ENAM: variants seen among roughly 807,000 people sequenced by gnomAD.
ENAM encodes amelogenesis imperfecta 2, hypocalcification (autosomal dominant).
Under a neutral mutation model 33.6 loss-of-function variants are expected in ENAM, and 21 were observed. The observed-to-expected ratio is 0.63, with a 90% CI of 0.44 to 0.90. The LOEUF is 0.90. Among genes scored for constraint, ENAM ranks in the 40% least tolerant of loss-of-function variants. The probability of loss-of-function intolerance (pLI) is 0.00; values close to 1 mark genes in which losing one functional copy is unlikely to be tolerated. For synonymous variants in ENAM, 473 were observed against 468.4 expected, an observed-to-expected ratio of 1.01 and a Z score of -0.13; for missense variants, 1,388 against 1,366.9, an observed-to-expected ratio of 1.02 and a Z score of -0.24.
At position 70,632,644 on chromosome 4, in the gene ENAM, G is replaced by T; in HGVS notation, c.169-7G>T. The T allele has an allele frequency of 1.3e-6, 2 of 1,588,912 alleles. 1 individual carries two copies. Among genetic ancestry groups the T allele is most frequent in the South Asian group, 2.2e-5 (2 of 90,554 alleles). On this transcript the variant is annotated splice_polypyrimidine_tract_variant and splice_region_variant and intron_variant, in intron 4 of 8. Transcript: ENST00000396073. ...TGTATCACATTAATGGATTCCTTTG[G>T]TTGCAGATGATGCGGTATAATCAAT...
In ENAM at chr4:70,644,971, T is replaced by A; in HGVS notation, c.*116T>A. On this transcript the variant is annotated 3_prime_UTR_variant, in exon 9 of 9. Coordinates refer to ENST00000396073, the MANE Select transcript of ENAM (RefSeq NM_031889.3). ...AGTGTCTGACTGTCTTGGTGATCCT[T>A]AAGTTTTCTCCCCTCTCAGCAATAG... 1 of 875,956 alleles carries A rather than the reference T, an allele frequency of 1.1e-6. No individual in the cohort carries two copies. The highest frequency in any genetic ancestry group is 1.9e-6 in the Non-Finnish European group (1 of 535,196). 54.3% of individuals were successfully genotyped at this position (875,956 alleles called of 1,614,324 possible).
In ENAM at chr4:70,643,022, A is replaced by T; in HGVS notation, c.1596A>T (p.Glu532Asp). The T allele has an allele frequency of 6.2e-7, 1 of 1,614,162 alleles. No homozygotes were observed. The highest frequency in any genetic ancestry group is 8.5e-7 in the Non-Finnish European group (1 of 1,180,022). Residue 532 changes from glutamate (E) to aspartate (D), a missense_variant, in exon 9 of 9, where the codon GAA (glutamate) becomes GAT (aspartate). Transcript: ENST00000396073. Reference protein sequence around the residue: ...LGSRRMPYESETNQSELKHSS... With the variant: ...LGSRRMPYESDTNQSELKHSS... ...CAAGAAGGATGCCATATGAATCAGAAACTAATCAGTCAGAATTAAAGCACA... is the reference window on the plus strand; with the variant it reads ...CAAGAAGGATGCCATATGAATCAGATACTAATCAGTCAGAATTAAAGCACA...
Position 70,642,468 on chromosome 4 carries a change from C to T in ENAM, c.1042C>T (p.Pro348Ser), listed in dbSNP as rs942199747. 6.2e-7 allele frequency: 1 copy of T among 1,613,974 alleles called. No individual in the cohort carries two copies. Among genetic ancestry groups the T allele is most frequent in the East Asian group, 2.2e-5 (1 of 44,884 alleles). The change falls in exon 9 of 9, where the codon CCT becomes TCT. Residue 348 changes from proline (P) to serine (S), a missense_variant. Coordinates refer to ENST00000396073, the MANE Select transcript of ENAM (RefSeq NM_031889.3). Reference protein sequence around the residue: ...GTVMGHRQNRPFYRNQQVQRG... With the variant: ...GTVMGHRQNRSFYRNQQVQRG... ...TGTCATGGGGCACAGACAGAATAGG[C>T]CTTTTTACAGAAATCAACAAGTTCA...
In ENAM at chr4:70,643,972, C is replaced by G. The variant is rs755587184; in HGVS notation, c.2546C>G (p.Pro849Arg). 7.4e-6 allele frequency: 12 copies of G among 1,614,162 alleles called. No homozygotes were observed. Among genetic ancestry groups the G allele is most frequent in the East Asian group, 2.2e-5 (1 of 44,876 alleles). Residue 849 changes from proline (P) to arginine (R), a missense_variant, in exon 9 of 9, where the codon CCT becomes CGT. Pro to Arg is a moderately radical substitution (Grantham distance 103, BLOSUM62 -2). Coordinates refer to ENST00000396073, the MANE Select transcript of ENAM (RefSeq NM_031889.3). Reference sequence around the variant, plus strand: ...CCAGAGAGAGAACATTCATCTTTCCCTAACTTCATCCCACCAAGTTACCCA... The same window carrying G: ...CCAGAGAGAGAACATTCATCTTTCCGTAACTTCATCCCACCAAGTTACCCA... ...NSPEREHSSF[P>R]NFIPPSYPSG... is the part of the protein sequence containing the mutation.
chr4:70,643,787 G>T lies in ENAM; in HGVS notation c.2361G>T (p.Trp787Cys), dbSNP rs748480572. The part of the protein sequence containing the change: ...ERRPYFNRNI[W>C]DQATHLQKAP... The stretch of plus-strand genomic sequence containing the variant: ...GGCCGTATTTTAACAGAAATATCTG[G>T]GATCAGGCAACACATTTACAAAAAG... The change falls in exon 9 of 9, where the codon TGG becomes TGT. Residue 787 changes from tryptophan (W) to cysteine (C), a missense_variant. Transcript: ENST00000396073. 6.2e-7 allele frequency: 1 copy of T among 1,614,116 alleles called. No individual in the cohort carries two copies. Among genetic ancestry groups the T allele is most frequent in the Admixed American group, 1.7e-5 (1 of 60,018 alleles).
Position 70,634,573 on chromosome 4 carries a change from G to A in ENAM, c.471+5G>A. 6.2e-7 allele frequency: 1 copy of A among 1,613,976 alleles called. No individual in the cohort carries two copies. On this transcript the variant is annotated splice_donor_5th_base_variant and intron_variant, in intron 6 of 8. Coordinates refer to ENST00000396073, the MANE Select transcript of ENAM (RefSeq NM_031889.3). Reference sequence around the variant, plus strand: ...GAGGAAGCTCAACCCCCTCAGGTGAGACTTGCACAGAAAAATTCCATATCT... The same window carrying A: ...GAGGAAGCTCAACCCCCTCAGGTGAAACTTGCACAGAAAAATTCCATATCT...
Position 70,634,296 on chromosome 4 carries a change from C to CT in ENAM, c.211-11dup, listed in dbSNP as rs1231939325. ...TCTATTATGATTTCACTATTATTTG[C>CT]TACCCTTTCAGATGGCACACCTGGG... On this transcript the variant is annotated splice_polypyrimidine_tract_variant and intron_variant, in intron 5 of 8. Transcript: ENST00000396073. The CT allele has an allele frequency of 6.2e-7, 1 of 1,613,346 alleles. No individual in the cohort carries two copies. Among genetic ancestry groups the CT allele is most frequent in the African/African-American group, 1.3e-5 (1 of 74,892 alleles).
rs749422232 is a variant in ENAM at position 70,644,267 on chromosome 4, T to C, written c.2841T>C (p.Asp947=). 3.7e-6 allele frequency: 6 copies of C among 1,614,114 alleles called. No individual in the cohort carries two copies. The highest frequency in any genetic ancestry group is 1.1e-5 in the South Asian group (1 of 91,078). The stretch of plus-strand genomic sequence containing the variant: ...GGGAAAGCCAAAACCCTTTTAGAGA[T>C]GATGTGTCCACGCTGAGGAGGAACA... ...EKRESQNPFR[D]DVSTLRRNTP... The change falls in exon 9 of 9, where the codon GAT becomes GAC. Residue 947 remains aspartate, a synonymous_variant. Coordinates refer to ENST00000396073, the MANE Select transcript of ENAM (RefSeq NM_031889.3).
rs778106085 is a variant in ENAM at position 70,644,492 on chromosome 4, T to C, written c.3066T>C (p.Gly1022=). The C allele has an allele frequency of 3.7e-6, 6 of 1,614,098 alleles. No homozygotes were observed. The African/African-American group carries it at 5.3e-5, about 14-fold the overall frequency. The stretch of plus-strand genomic sequence containing the variant: ...TTACTCCTGAGCAGCTTGTTATTGG[T>C]ACACCTGATGAAGGCTCCAATCCAG... ...VDLTPEQLVI[G]TPDEGSNPEG... Residue 1022 remains glycine, a synonymous_variant, in exon 9 of 9, where the codon GGT becomes GGC. Transcript: ENST00000396073.
rs1453766089 is a variant in ENAM, at chr4:70,637,859, A to C, written c.588+16A>C. ...AGAAGGGGGGGTAAGTACAAGTAAAACTACATTCTCCACTAGAAATTACAA... is the reference window on the plus strand; with the variant it reads ...AGAAGGGGGGGTAAGTACAAGTAAACCTACATTCTCCACTAGAAATTACAA... On this transcript the variant is annotated intron_variant, in intron 8 of 8. Coordinates refer to ENST00000396073, the MANE Select transcript of ENAM (RefSeq NM_031889.3). 3 of 1,587,836 alleles carry C rather than the reference A, an allele frequency of 1.9e-6. No homozygotes were observed. The highest frequency in any genetic ancestry group is 2.6e-6 in the Non-Finnish European group (3 of 1,156,176).
chr4:70,642,537 G>A lies in ENAM; in HGVS notation c.1111G>A (p.Val371Ile). The change falls in exon 9 of 9, where the codon GTA becomes ATA. Residue 371 changes from valine (V) to isoleucine (I), a missense_variant. Val to Ile is a conservative substitution (Grantham distance 29). Coordinates refer to ENST00000396073, the MANE Select transcript of ENAM (RefSeq NM_031889.3). ...CTTCTTTGCTTGGGAACGTAAACAA[G>A]TAGCTCGTCCAGGAAATCCAGTTTA... Reference protein sequence around the residue: ...WNFFAWERKQVARPGNPVYHK... With the variant: ...WNFFAWERKQIARPGNPVYHK... 6.2e-7 allele frequency: 1 copy of A among 1,614,052 alleles called. No homozygotes were observed. The highest frequency in any genetic ancestry group is 1.1e-5 in the South Asian group (1 of 91,070).
chr4:70,631,378 CTT>C (rs1738314452), intron 2 of ENAM, among the ~76,000 whole-genome samples: 1 of 152,028 alleles, frequency 6.6e-6, no homozygotes, highest in Admixed American at 6.6e-5. Flanking sequence ...ATATCTCTCT[CTT>C]TCTCTCTCTC....
intron 2 of ENAM, among the ~76,000 whole-genome samples, 156 bp from the exon 3 acceptor site, chr4:70,631,514 A>G (rs529038528): frequency 6.6e-6 from 1 of 152,272 alleles, no homozygotes; most frequent in South Asian, 2.1e-4. Flanking sequence ...ATAACTATCT[A>G]ATAGTTTCTT....
In ENAM at chr4:70,643,018, C is replaced by T. The variant is rs771821412; in HGVS notation, c.1592C>T (p.Ser531Leu). ...GGGTCAAGAAGGATGCCATATGAAT[C>T]AGAAACTAATCAGTCAGAATTAAAG... ...VLGSRRMPYESETNQSELKHS... is the reference protein window; with the variant it reads ...VLGSRRMPYELETNQSELKHS... Residue 531 changes from serine (S) to leucine (L), a missense_variant, in exon 9 of 9, where the codon TCA (serine) becomes TTA (leucine). By Grantham distance (145) the Ser-to-Leu change is moderately radical. Coordinates refer to ENST00000396073, the MANE Select transcript of ENAM (RefSeq NM_031889.3). 6.2e-7 allele frequency: 1 copy of T among 1,613,928 alleles called. No individual in the cohort carries two copies. The highest frequency in any genetic ancestry group is 1.3e-5 in the African/African-American group (1 of 74,868).
In ENAM at chr4:70,643,210, G is replaced by A; in HGVS notation, c.1784G>A (p.Arg595Lys). Residue 595 changes from arginine (R) to lysine (K), a missense_variant, in exon 9 of 9, where the codon AGA (arginine) becomes AAA (lysine). Physicochemically the swap from Arg to Lys is conservative, Grantham distance 26. Transcript: ENST00000396073. ...EHLPHPSHGS[R>K]GSVFYPEYNP... ...TTACCCCATCCTTCCCATGGTTCTA[G>A]AGGAAGTGTTTTCTACCCTGAATAT... The A allele has an allele frequency of 6.2e-7, 1 of 1,613,708 alleles. No individual in the cohort carries two copies. Among genetic ancestry groups the A allele is most frequent in the Non-Finnish European group, 8.5e-7 (1 of 1,179,928 alleles).
chr4:70,638,808 T>TG (rs1738527016), intron 8 of ENAM, among the ~76,000 whole-genome samples: 1 of 149,956 alleles, frequency 6.7e-6, no homozygotes, highest in Non-Finnish European at 1.5e-5. Flanking sequence ...TTTTTTTTTT[T>TG]GTAAGACAGA....
chr4:70,630,409 T>A (rs960993345), intron 2 of ENAM, among the ~76,000 whole-genome samples: 1 of 152,208 alleles, frequency 6.6e-6, no homozygotes, highest in Non-Finnish European at 1.5e-5. Context: ...TGCTAGGAAA[T>A]GGACTATATC....
intron 3 of ENAM, 49 bp from the exon 4 acceptor site, chr4:70,631,800 T>G: frequency 6.2e-7 from 1 of 1,609,544 alleles, no homozygotes; most frequent in Non-Finnish European, 8.5e-7. Flanking sequence ...TTGTTGAGCT[T>G]ATTTCAACTG....
chr4:70,632,234 C>A (rs1738341728), intron 4 of ENAM, among the ~76,000 whole-genome samples: 1 of 152,216 alleles, frequency 6.6e-6, no homozygotes, highest in South Asian at 2.1e-4. Flanking sequence ...AAATACCTTT[C>A]ACATGACTCA....
Sources: gnomAD v4.1 joint callset for allele counts (sites outside exome capture counted in the v4.1 genomes callset) on GRCh38, gnomAD v4.1.1 for gene constraint, MANE v1.5 for transcripts, NCBI Gene and HGNC (gene_info 2026-07-23, HGNC 2026-07-21) for gene names.